CDKL4: variants seen among roughly 807,000 people sequenced by gnomAD.
CDKL4 encodes the protein cyclin-dependent kinase-like 4.
CDKL4 carries 44 observed loss-of-function variants against 42.0 expected under a neutral mutation model. The observed-to-expected ratio is 1.05, with a 90% CI of 0.82 to 1.35. The LOEUF (loss-of-function observed/expected upper bound fraction) is 1.35. Ranked by LOEUF, CDKL4 falls within the 40% of genes most tolerant of loss-of-function variation. CDKL4 has a pLI of 0.00. For missense variants in CDKL4, 393 were observed against 369.9 expected, an observed-to-expected ratio of 1.06 and a Z score of -0.51; for synonymous variants, 120 against 121.6, an observed-to-expected ratio of 0.99 and a Z score of 0.09.
At chr2:39,171,959 G>A (rs893683172), downstream of CDKL4, among the ~76,000 whole-genome samples, 3 of 152,242 alleles carry the variant, frequency 2.0e-5, no homozygotes, top group Admixed American at 6.5e-5. Context: ...TCATAATTAC[G>A]GGATCAAGTA....
At chr2:39,233,077 A>AAAAAT (rs1553394708) in intron 1 of CDKL4, among the ~76,000 whole-genome samples, 1 of 137,540 alleles carries the variant, frequency 7.3e-6, no homozygotes, top group Non-Finnish European at 1.5e-5. Context: ...AGAAAGAAAG[A>AAAAAT]AAAAGAAAAG....
chr2:39,181,603 T>G (rs1510113), intron 8 of CDKL4, among the ~76,000 whole-genome samples: 134,873 of 152,180 alleles, frequency 0.89, 60,084 homozygotes, highest in Non-Finnish European at 0.94. Context: ...TGGAAATAAG[T>G]TCTTTGCAGA....
chr2:39,234,964 C>G (rs1301335326), intron 1 of CDKL4, among the ~76,000 whole-genome samples: 1 of 151,792 alleles, frequency 6.6e-6, no homozygotes. Flanking sequence ...TCATGACTCA[C>G]TGCAGCCTTG....
At chr2:39,207,712 C>A (rs1214224279) in intron 4 of CDKL4, among the ~76,000 whole-genome samples, 3 of 152,028 alleles carry the variant, frequency 2.0e-5, no homozygotes, top group Admixed American at 2.0e-4. Context: ...TTGACATATT[C>A]CAAAGAAACA....
intron 1 of CDKL4, among the ~76,000 whole-genome samples, chr2:39,242,857 G>C (rs996052457): frequency 6.6e-6 from 1 of 152,074 alleles, no homozygotes; most frequent in Non-Finnish European, 1.5e-5. Context: ...CAGCACTTTG[G>C]GAGGTTGAGG....
the CDKL4 span, among the ~76,000 whole-genome samples, chr2:39,170,447 T>TTTG: frequency 0.011 from 1,635 of 151,926 alleles, 7 homozygotes; most frequent in Non-Finnish European, 0.015. Context: ...TTTTTAGTTT[T>TTTG]TTGTTGTTGT....
chr2:39,185,652 G>A (rs1389783003), intron 7 of CDKL4, among the ~76,000 whole-genome samples: 2 of 150,996 alleles, frequency 1.3e-5, no homozygotes, highest in East Asian at 1.9e-4. Context: ...TAGTACAGAC[G>A]GGGTTTCACC....
At chr2:39,171,210 G>A (rs932644215), downstream of CDKL4, among the ~76,000 whole-genome samples, 1 of 150,176 alleles carries the variant, frequency 6.7e-6, no homozygotes, top group South Asian at 2.1e-4. Flanking sequence ...CTGCACTCTC[G>A]TCTGGGCGAC....
intron 9 of CDKL4, 77 bp downstream of exon 9, chr2:39,179,110 T>A (rs1180970689): frequency 1.3e-6 from 2 of 1,551,198 alleles, no homozygotes; most frequent in Non-Finnish European, 1.7e-6. Context: ...GTCCACCTTG[T>A]CTCACTTTGA....
chr2:39,205,169 C>G (rs1677086523), intron 4 of CDKL4, among the ~76,000 whole-genome samples: 1 of 151,984 alleles, frequency 6.6e-6, no homozygotes, highest in Non-Finnish European at 1.5e-5. Flanking sequence ...GAGCTAAACC[C>G]TGTCTCGAAA....
At chr2:39,205,775 A>AAT (rs1553386225) in intron 4 of CDKL4, among the ~76,000 whole-genome samples, 1 of 150,412 alleles carries the variant, frequency 6.6e-6, no homozygotes, top group Non-Finnish European at 1.5e-5. Flanking sequence ...AAAAAAAAAA[A>AAT]AAAAAGAAAG....
At chr2:39,171,843 T>C (rs568261361), downstream of CDKL4, among the ~76,000 whole-genome samples, 1 of 152,192 alleles carries the variant, frequency 6.6e-6, no homozygotes, top group South Asian at 2.1e-4. Context: ...TGGCGCAGTA[T>C]TTGGACAGCA....
At chr2:39,234,705 T>C (rs1217128936) in intron 1 of CDKL4, among the ~76,000 whole-genome samples, 2 of 152,022 alleles carry the variant, frequency 1.3e-5, no homozygotes, top group East Asian at 3.8e-4. Context: ...TCTCTGAGCC[T>C]CCAGACAAAA....
At chr2:39,220,976 CTTTTTTTTTTTTT>C (rs1157655136) in intron 3 of CDKL4, among the ~76,000 whole-genome samples, 26 of 49,148 alleles carry the variant, frequency 5.3e-4, no homozygotes, top group Middle Eastern at 0.016. Flanking sequence ...CATCGACGAT[CTTTTTTTTTTTTT>C]TTTTTTTTTT....
At chr2:39,215,124 G>C (rs954360031) in intron 3 of CDKL4, among the ~76,000 whole-genome samples, 15 of 152,134 alleles carry the variant, frequency 9.9e-5, no homozygotes, top group African/African-American at 3.1e-4. Context: ...GTGCATCAAA[G>C]TCCCTGTCTC....
At chr2:39,180,876 A>T (rs1454427350) in intron 8 of CDKL4, among the ~76,000 whole-genome samples, 1 of 152,028 alleles carries the variant, frequency 6.6e-6, no homozygotes, top group African/African-American at 2.4e-5. Context: ...TTTTTAGTAG[A>T]GACAGGTTCA....
rs553799423 is a variant in CDKL4, at chr2:39,184,624, T to A, written c.759A>T (p.Ser253=). The A allele has an allele frequency of 2.4e-5, 38 of 1,612,064 alleles. No individual in the cohort carries two copies. The East Asian group carries it at 5.1e-4, about 22-fold the overall frequency. The change falls in exon 8 of 10, where the codon TCA becomes TCT. Residue 253 remains serine, a synonymous_variant. Coordinates refer to ENST00000451199, the Ensembl canonical transcript of CDKL4. ...AGTTCAGAGCCACAGGATGAACATC[T>A]GAGAACTTTTCCTCAAGAGTTTCCT... is the stretch of plus-strand genomic sequence containing the variant.
At chr2:39,246,344 A>G (rs1194053989), upstream of CDKL4, among the ~76,000 whole-genome samples, 2 of 152,254 alleles carry the variant, frequency 1.3e-5, no homozygotes, top group East Asian at 1.9e-4. Flanking sequence ...CAATTCCTAT[A>G]TAATTTCCAC....
At chr2:39,199,835 T>C (rs1304650237) in intron 5 of CDKL4, among the ~76,000 whole-genome samples, 1 of 151,964 alleles carries the variant, frequency 6.6e-6, no homozygotes, top group Admixed American at 6.6e-5. Context: ...AAGGGACATA[T>C]CTTAAGGTAA....
Sources: gnomAD v4.1 joint callset for allele counts (sites outside exome capture counted in the v4.1 genomes callset) on GRCh38, gnomAD v4.1.1 for gene constraint, MANE v1.5 for transcripts, NCBI Gene and HGNC (gene_info 2026-07-23, HGNC 2026-07-21) for gene names.